PCDH9: variants seen among roughly 807,000 people sequenced by gnomAD.
PCDH9 encodes the protein protocadherin 9.
PCDH9 carries 24 observed loss-of-function variants against 70.6 expected under a neutral mutation model. The ratio of observed to expected loss-of-function variants is 0.34; its 90% CI spans 0.25 to 0.48. The LOEUF (loss-of-function observed/expected upper bound fraction) is 0.48, where lower values mean the gene tolerates loss of function less well. Among genes scored for constraint, PCDH9 ranks in the 20% least tolerant of loss-of-function variants. The pLI is 0.99. For synonymous variants in PCDH9, 562 were observed against 558.5 expected (o/e 1.01, Z -0.09); for missense variants, 1,281 against 1,503.6 (o/e 0.85, Z 2.45).
At chr13:66,871,756 C>T (rs1054829992) in intron 3 of PCDH9, among the ~76,000 whole-genome samples, 1 of 151,996 alleles carries the variant, frequency 6.6e-6, no homozygotes, top group East Asian at 1.9e-4. Context: ...TTGATCTATC[C>T]TTGTGCAAAT....
At chr13:66,707,352 C>A (rs949905774) in intron 3 of PCDH9, among the ~76,000 whole-genome samples, 1 of 152,134 alleles carries the variant, frequency 6.6e-6, no homozygotes, top group Admixed American at 6.6e-5. Context: ...AGAGACACTA[C>A]GCACTTAGAA....
At chr13:66,609,315 T>C (rs1398284331) in intron 4 of PCDH9, among the ~76,000 whole-genome samples, 1 of 152,130 alleles carries the variant, frequency 6.6e-6, no homozygotes, top group African/African-American at 2.4e-5. Flanking sequence ...TAATACAATA[T>C]AAAGTAAGTT....
At chr13:67,214,541 A>C (rs2138093337) in intron 2 of PCDH9, 1 of 152,284 alleles carries the variant, frequency 6.6e-6, no homozygotes, top group Admixed American at 6.5e-5. Context: ...ACAAACACTA[A>C]AAGGAACAGA....
chr13:66,513,155 C>G (rs1959567065), intron 4 of PCDH9, among the ~76,000 whole-genome samples: 2 of 149,946 alleles, frequency 1.3e-5, no homozygotes, highest in Admixed American at 1.3e-4. Flanking sequence ...ATTATGTAAA[C>G]AGACTAATCT....
intron 4 of PCDH9, among the ~76,000 whole-genome samples, chr13:66,597,280 T>C (rs978521792): frequency 1.1e-4 from 16 of 151,662 alleles, no homozygotes; most frequent in African/African-American, 3.6e-4. Context: ...ATTAATAAGG[T>C]ACCACAAAGG....
chr13:66,997,660 G>A (rs548375735), intron 2 of PCDH9, among the ~76,000 whole-genome samples: 1 of 152,030 alleles, frequency 6.6e-6, no homozygotes, highest in African/African-American at 2.4e-5. Flanking sequence ...TCAGCCTCCC[G>A]AGTAGCTGGG....
chr13:66,993,159 C>T (rs1172357462), intron 2 of PCDH9, among the ~76,000 whole-genome samples: 1 of 152,028 alleles, frequency 6.6e-6, no homozygotes, highest in Non-Finnish European at 1.5e-5. Context: ...AAGAATTTCC[C>T]ACTAAAAATA....
At chr13:67,052,817 G>T (rs2085347776) in intron 2 of PCDH9, among the ~76,000 whole-genome samples, 1 of 152,148 alleles carries the variant, frequency 6.6e-6, no homozygotes, top group African/African-American at 2.4e-5. Context: ...ATGATTCAAG[G>T]TTTCTAGTTG....
intron 2 of PCDH9, among the ~76,000 whole-genome samples, chr13:67,050,825 T>C (rs1240641817): frequency 1.3e-5 from 2 of 152,174 alleles, no homozygotes; most frequent in East Asian, 3.8e-4. Flanking sequence ...ATTTACATTC[T>C]CTCAGATTTC....
intron 4 of PCDH9, among the ~76,000 whole-genome samples, chr13:66,463,638 A>AT (rs1396681949): frequency 2.6e-5 from 4 of 151,546 alleles, no homozygotes; most frequent in African/African-American, 7.3e-5. Context: ...TTTGTAGTCT[A>AT]TTTTTTTTGT....
intron 2 of PCDH9, among the ~76,000 whole-genome samples, chr13:67,103,233 ATAT>A (rs2086468438): frequency 2.0e-5 from 3 of 152,270 alleles, no homozygotes; most frequent in Admixed American, 2.0e-4. Flanking sequence ...CATGAATAAA[ATAT>A]TATTAAAGTT....
chr13:66,454,056 G>T (rs1490443823), intron 4 of PCDH9, among the ~76,000 whole-genome samples: 3 of 151,562 alleles, frequency 2.0e-5, no homozygotes, highest in Admixed American at 6.6e-5. Context: ...TTTTGTTGTT[G>T]TTCTTTCTTA....
chr13:66,811,766 TCTC>T (rs2080511774), intron 3 of PCDH9, among the ~76,000 whole-genome samples: 2 of 151,428 alleles, frequency 1.3e-5, no homozygotes, highest in Non-Finnish European at 2.9e-5. Flanking sequence ...TTTCTTTCTC[TCTC>T]TCTCTCTCTC....
intron 3 of PCDH9, among the ~76,000 whole-genome samples, chr13:66,737,559 G>T (rs946526297): frequency 6.6e-6 from 1 of 152,224 alleles, no homozygotes; most frequent in African/African-American, 2.4e-5. Context: ...GAAGACGGGT[G>T]ATTTCTGCAT....
At chr13:66,449,366 G>A (rs1288207454) in intron 4 of PCDH9, among the ~76,000 whole-genome samples, 2 of 152,174 alleles carry the variant, frequency 1.3e-5, no homozygotes, top group East Asian at 1.9e-4. Context: ...TCATTATAAC[G>A]TCTTCCTGTC....
At chr13:66,317,926 C>T (rs1955683476) in intron 4 of PCDH9, among the ~76,000 whole-genome samples, 1 of 151,628 alleles carries the variant, frequency 6.6e-6, no homozygotes. Context: ...AAATACATTG[C>T]TTAAATTCAG....
At chr13:67,193,171 C>A (rs1416160648) in intron 2 of PCDH9, among the ~76,000 whole-genome samples, 1 of 152,050 alleles carries the variant, frequency 6.6e-6, no homozygotes, top group Admixed American at 6.6e-5. Flanking sequence ...CTTGACTGTA[C>A]CCAGGACAAA....
At chr13:66,877,814 G>T (rs918929524) in intron 3 of PCDH9, among the ~76,000 whole-genome samples, 1 of 152,062 alleles carries the variant, frequency 6.6e-6, no homozygotes, top group East Asian at 1.9e-4. Flanking sequence ...TGGCTCCTGC[G>T]AGTTAAAATA....
At chr13:66,940,675 CT>C (rs900569033) in intron 2 of PCDH9, among the ~76,000 whole-genome samples, 33 of 151,880 alleles carry the variant, frequency 2.2e-4, no homozygotes, top group African/African-American at 7.5e-4. Flanking sequence ...AATAAGTTTA[CT>C]TTTTTGTCAA....
Sources: allele counts gnomAD v4.1 joint callset (sites outside exome capture counted in the v4.1 genomes callset), GRCh38; gene constraint gnomAD v4.1.1; transcripts MANE v1.5; gene names NCBI Gene and HGNC (gene_info 2026-07-23, HGNC 2026-07-21).